USP6NL: variants seen among roughly 807,000 people sequenced by gnomAD.
USP6NL encodes the protein USP6 N-terminal like, also known as USP6 N-terminal-like protein.
A neutral mutation model predicts 61.9 loss-of-function variants in USP6NL; 26 were observed. That is an observed-to-expected ratio of 0.42 (90% confidence interval 0.31 to 0.58). The LOEUF (loss-of-function observed/expected upper bound fraction) is 0.58, where lower values mean the gene tolerates loss of function less well. Among genes scored for constraint, USP6NL ranks in the 20% least tolerant of loss-of-function variants. USP6NL has a pLI of 0.16. For missense variants in USP6NL, 1,114 were observed against 1,034.3 expected, an observed-to-expected ratio of 1.08 and a Z score of -1.06; for synonymous variants, 432 against 390.1, an observed-to-expected ratio of 1.11 and a Z score of -1.27.
At chr10:11,498,326 CT>C (rs1764544551) in intron 7 of USP6NL, among the ~76,000 whole-genome samples, 1 of 146,836 alleles carries the variant, frequency 6.8e-6, no homozygotes, top group African/African-American at 2.5e-5. Flanking sequence ...GTGGATGAAG[CT>C]GTTTTCCACT....
Position 11,592,276 on chromosome 10 carries a change from A to G in USP6NL, c.4+5355T>C, listed in dbSNP as rs1179606107. ...AGTGTTAATAACAACGAAGTACACT[A>G]AACTAAGAAAGTAATCACACAAATT... On this transcript the variant is annotated intron_variant, in intron 2 of 14. Coordinates refer to ENST00000609104, the MANE Select transcript of USP6NL (RefSeq NM_014688.5). This position sits in a 1 kb window ranked among gnomAD's most constrained non-coding sequence, Gnocchi z 4.7. Among the ~76,000 whole-genome samples the G allele has an allele frequency of 3.9e-5, 6 of 152,236 alleles. No homozygotes were observed. Among genetic ancestry groups the G allele is most frequent in the Admixed American group, 3.3e-4 (5 of 15,282 alleles).
chr10:11,561,640 C>T lies in USP6NL; in HGVS notation c.5-34073G>A, dbSNP rs73569195. 6.6e-6 allele frequency among the ~76,000 whole-genome samples: 1 copy of T among 152,302 alleles called. No individual in the cohort carries two copies. Among genetic ancestry groups the T allele is most frequent in the African/African-American group, 2.4e-5 (1 of 41,566 alleles). ...CCTTTCTTCTACTGACAGATAAGTTCTACTGGTTTGGGTATTGTAAACAAT... is the reference window on the plus strand; with the variant it reads ...CCTTTCTTCTACTGACAGATAAGTTTTACTGGTTTGGGTATTGTAAACAAT... On this transcript the variant is annotated intron_variant, in intron 2 of 14. Coordinates refer to ENST00000609104, the MANE Select transcript of USP6NL (RefSeq NM_014688.5). This position sits in a 1 kb window ranked among gnomAD's most constrained non-coding sequence, Gnocchi z 4.1.
At position 11,596,354 on chromosome 10, in the gene USP6NL, G is replaced by A. The variant is rs1838326053; in HGVS notation, c.4+1277C>T. On this transcript the variant is annotated intron_variant, in intron 2 of 14. Transcript: ENST00000609104. The surrounding 1 kb of genome is among the most constrained non-coding windows in gnomAD (Gnocchi z 4.1). ...AGCTCTTTCTTGGCCGGGCGCGGTG[G>A]CTCACGCCTGTAATCCCAGCATTTT... 6.6e-6 allele frequency among the ~76,000 whole-genome samples: 1 copy of A among 152,170 alleles called. No individual in the cohort carries two copies. The highest frequency in any genetic ancestry group is 1.5e-5 in the Non-Finnish European group (1 of 68,036).
Position 11,595,621 on chromosome 10 carries a change from G to T in USP6NL, c.4+2010C>A, listed in dbSNP as rs759451453. ...GCCAGGCAGAGACAAATATGAATCT[G>T]CTAGACCAGCATGAAAAAAACAAAA... On this transcript the variant is annotated intron_variant, in intron 2 of 14. Coordinates refer to ENST00000609104, the MANE Select transcript of USP6NL (RefSeq NM_014688.5). The surrounding 1 kb of genome is among the most constrained non-coding windows in gnomAD (Gnocchi z 5.3). 1.7e-4 allele frequency among the ~76,000 whole-genome samples: 26 copies of T among 152,002 alleles called. No individual in the cohort carries two copies. The highest frequency in any genetic ancestry group is 3.2e-4 in the Non-Finnish European group (22 of 68,010).
Position 11,462,307 on chromosome 10 carries a change from A to C in USP6NL, c.*134T>G, listed in dbSNP as rs759681251. The C allele has an allele frequency of 6.6e-6, 7 of 1,064,118 alleles. No individual in the cohort carries two copies. Among genetic ancestry groups the C allele is most frequent in the Non-Finnish European group, 7.9e-6 (6 of 758,796 alleles). The allele number at this position is 1,064,118 out of a possible 1,614,324, so 65.9% of individuals were successfully genotyped here. A position where few individuals can be genotyped will look rare whatever the true frequency, so the allele number is the denominator to read the frequency against. On this transcript the variant is annotated 3_prime_UTR_variant, in exon 15 of 15. Coordinates refer to ENST00000609104, the MANE Select transcript of USP6NL (RefSeq NM_014688.5). ...CGTGGGGCTGAAGACATTTCCCTGTATTCTTACTACTAACAGACAGGAGAG... is the reference window on the plus strand; with the variant it reads ...CGTGGGGCTGAAGACATTTCCCTGTCTTCTTACTACTAACAGACAGGAGAG...
chr10:11,463,960 T>G lies in USP6NL; in HGVS notation c.1079-111A>C, dbSNP rs1316388208. Reference sequence around the variant, plus strand: ...TTTTCATCTGTGCACAGATACACGCTGACATACAACACACTGTCATACAAC... The same window carrying G: ...TTTTCATCTGTGCACAGATACACGCGGACATACAACACACTGTCATACAAC... On this transcript the variant is annotated intron_variant, in intron 14 of 14. Coordinates refer to ENST00000609104, the MANE Select transcript of USP6NL (RefSeq NM_014688.5). The surrounding 1 kb of genome is among the most constrained non-coding windows in gnomAD (Gnocchi z 6.3). 14 of 1,005,946 alleles carry G rather than the reference T, an allele frequency of 1.4e-5. No individual in the cohort carries two copies. Among genetic ancestry groups the G allele is most frequent in the Non-Finnish European group, 2.0e-5 (14 of 698,484 alleles). 62.3% of individuals were successfully genotyped at this position (1,005,946 alleles called of 1,614,324 possible). A position where few individuals can be genotyped will look rare whatever the true frequency, so the allele number is the denominator to read the frequency against.
rs1034500085 is a variant in USP6NL, at chr10:11,518,289, C to T, written c.195+246G>A. On this transcript the variant is annotated intron_variant, in intron 5 of 14. Coordinates refer to ENST00000609104, the MANE Select transcript of USP6NL (RefSeq NM_014688.5). This position sits in a 1 kb window ranked among gnomAD's most constrained non-coding sequence, Gnocchi z 5.3. The stretch of plus-strand genomic sequence containing the variant: ...CTCAAAGCCTCTCTGTTCTGAAGCA[C>T]GCCTAGCTCAGGACCTGCCAGTCTA... Among the ~76,000 whole-genome samples, 4 of 152,182 alleles carry T rather than the reference C, an allele frequency of 2.6e-5. No homozygotes were observed. The highest frequency in any genetic ancestry group is 5.9e-5 in the Non-Finnish European group (4 of 68,024).
At chr10:11,507,223 T>C (rs994898706) in intron 6 of USP6NL, among the ~76,000 whole-genome samples, 8 of 152,224 alleles carry the variant, frequency 5.3e-5, no homozygotes, top group Admixed American at 5.2e-4. Flanking sequence ...ACAAATATTT[T>C]ATTAGAATGA....
intron 2 of USP6NL, among the ~76,000 whole-genome samples, chr10:11,541,814 C>A (rs1836077821): frequency 6.6e-6 from 1 of 152,082 alleles, no homozygotes; most frequent in Admixed American, 6.6e-5. Context: ...ACAAGAAAAG[C>A]CACAGACAGA....
At chr10:11,475,778 C>G (rs1158926943) in intron 14 of USP6NL, among the ~76,000 whole-genome samples, 2 of 151,952 alleles carry the variant, frequency 1.3e-5, no homozygotes, top group African/African-American at 4.8e-5. Context: ...CACAGATTAT[C>G]TGCTAACTGA....
At chr10:11,522,244 G>A (rs575306893) in intron 4 of USP6NL, among the ~76,000 whole-genome samples, 1 of 152,300 alleles carries the variant, frequency 6.6e-6, no homozygotes, top group African/African-American at 2.4e-5. Flanking sequence ...AGGCAACAAA[G>A]GTTGCAAAGT....
At chr10:11,610,311 A>G (rs1588431105) in intron 1 of USP6NL, among the ~76,000 whole-genome samples, 1 of 152,302 alleles carries the variant, frequency 6.6e-6, no homozygotes, top group South Asian at 2.1e-4. Flanking sequence ...TATTTTTGTT[A>G]ATTTTAGGGT....
chr10:11,477,135 G>T (rs959681998), intron 14 of USP6NL, among the ~76,000 whole-genome samples: 1 of 152,184 alleles, frequency 6.6e-6, no homozygotes, highest in Admixed American at 6.5e-5. Context: ...GCCTTCCAAA[G>T]TGTTGGGATT....
intron 2 of USP6NL, among the ~76,000 whole-genome samples, chr10:11,576,682 TATG>T (rs1397040693): frequency 5.3e-5 from 8 of 152,246 alleles, no homozygotes; most frequent in Admixed American, 5.2e-4. Flanking sequence ...CTATCCAGCT[TATG>T]ATATTTTGTT....
rs1173788787 is a variant in USP6NL at position 11,596,578 on chromosome 10, GGT to G, written c.4+1051_4+1052del. The stretch of plus-strand genomic sequence containing the variant: ...GGTGGAGCTTGCAGTGAGCGGAGAT[GGT>G]GCCACTGCACTGCAGCCTGGGCGAC... On this transcript the variant is annotated intron_variant, in intron 2 of 14. Transcript: ENST00000609104. The surrounding 1 kb of genome is among the most constrained non-coding windows in gnomAD (Gnocchi z 4.1). Among the ~76,000 whole-genome samples the G allele has an allele frequency of 6.6e-6, 1 of 151,454 alleles. No homozygotes were observed. Among genetic ancestry groups the G allele is most frequent in the African/African-American group, 2.4e-5 (1 of 41,148 alleles).
At chr10:11,555,233 T>C (rs961421034) in intron 2 of USP6NL, among the ~76,000 whole-genome samples, 163 of 146,096 alleles carry the variant, frequency 1.1e-3, no homozygotes, top group African/African-American at 3.8e-3. Flanking sequence ...CTGGCCAACA[T>C]GGCAAAACCG....
At chr10:11,529,116 G>C (rs1835539906) in intron 2 of USP6NL, among the ~76,000 whole-genome samples, 2 of 151,962 alleles carry the variant, frequency 1.3e-5, no homozygotes, top group South Asian at 2.1e-4. Flanking sequence ...ACAGATTGCT[G>C]AATCTTTAAG....
chr10:11,485,006 G>C lies in USP6NL; in HGVS notation c.890C>G (p.Thr297Ser). Reference protein sequence around the residue: ...IYIFEGERVLTAMSYTILKLH... With the variant: ...IYIFEGERVLSAMSYTILKLH... ...TTTTAAGATGGTGTAAGACATAGCAGTAAGAACTCGTTCTCCTTCAAAGAT... is the reference window on the plus strand; with the variant it reads ...TTTTAAGATGGTGTAAGACATAGCACTAAGAACTCGTTCTCCTTCAAAGAT... Residue 297 changes from threonine to serine, a missense_variant, in exon 13 of 15, where the codon ACT (threonine) becomes AGT (serine). Thr to Ser is a moderately conservative substitution (Grantham distance 58). Coordinates refer to ENST00000609104, the MANE Select transcript of USP6NL (RefSeq NM_014688.5). The surrounding 1 kb of genome is among the most constrained non-coding windows in gnomAD (Gnocchi z 4.8). 1 of 1,550,432 alleles carries C rather than the reference G, an allele frequency of 6.4e-7. No individual in the cohort carries two copies. Among genetic ancestry groups the C allele is most frequent in the South Asian group, 1.2e-5 (1 of 83,506 alleles).
chr10:11,552,991 G>A (rs956966529), intron 2 of USP6NL, among the ~76,000 whole-genome samples: 2 of 152,060 alleles, frequency 1.3e-5, no homozygotes, highest in African/African-American at 4.8e-5. Flanking sequence ...CCACCTTTTG[G>A]AGTCTCCAAT....
Sources: gnomAD v4.1 joint callset for allele counts (sites outside exome capture counted in the v4.1 genomes callset) on GRCh38, gnomAD v4.1.1 for gene constraint, Gnocchi (gnomAD v3.1) non-coding constraint, MANE v1.5 for transcripts, NCBI Gene and HGNC (gene_info 2026-07-23, HGNC 2026-07-21) for gene names.